NRXN3: variants seen among roughly 807,000 people sequenced by gnomAD.
The protein encoded by NRXN3 is neurexin III.
In NRXN3, 32 loss-of-function variants were observed where a neutral mutation model predicts 137.6. The observed-to-expected ratio is 0.23, with a 90% CI of 0.18 to 0.31. The LOEUF (loss-of-function observed/expected upper bound fraction) is 0.31. Among genes scored for constraint, NRXN3 ranks in the 10% least tolerant of loss-of-function variants. The pLI, the probability that NRXN3 is intolerant of heterozygous loss-of-function variation, is 1.00. For missense variants in NRXN3, 1,574 were observed against 2,062.5 expected, an observed-to-expected ratio of 0.76 and a Z score of 4.59; for synonymous variants, 798 against 784.5, an observed-to-expected ratio of 1.02 and a Z score of -0.29.
intron 4 of NRXN3, among the ~76,000 whole-genome samples, chr14:78,587,636 T>C (rs1354872805): frequency 2.6e-5 from 4 of 152,236 alleles, no homozygotes; most frequent in Non-Finnish European, 5.9e-5. Context: ...TTTATCCCTC[T>C]ACACATTCGC....
rs985154760 is a variant in NRXN3 at position 79,830,822 on chromosome 14, C to T, written c.4093+25632C>T. 6.6e-5 allele frequency among the ~76,000 whole-genome samples: 10 copies of T among 152,022 alleles called. No individual in the cohort carries two copies. The East Asian group carries it at 9.7e-4, about 15-fold the overall frequency. On this transcript the variant is annotated intron_variant, in intron 20 of 20. Coordinates refer to ENST00000335750, the MANE Select transcript of NRXN3 (RefSeq NM_001330195.2). Reference sequence around the variant, plus strand: ...CTGACTCCATCAAGGCAGACTTGTTCGGTAAACTATTCAGGTGACTTTGTG... The same window carrying T: ...CTGACTCCATCAAGGCAGACTTGTTTGGTAAACTATTCAGGTGACTTTGTG...
At chr14:79,045,933 A>G (rs914968741) in intron 15 of NRXN3, among the ~76,000 whole-genome samples, 26 of 152,182 alleles carry the variant, frequency 1.7e-4, no homozygotes, top group African/African-American at 6.3e-4. Context: ...AGAAGAGAAT[A>G]ATAATTCAAA....
chr14:79,565,293 ATGTGTATATACATATACACACACATGTG>A (rs1567520191), intron 16 of NRXN3, among the ~76,000 whole-genome samples: 2 of 130,046 alleles, frequency 1.5e-5, no homozygotes, highest in African/African-American at 6.0e-5. Flanking sequence ...ATACGCACAC[ATGTGTATATACATATACACACACATGTG>A]TGTGTATATA....
intron 15 of NRXN3, among the ~76,000 whole-genome samples, chr14:79,385,710 T>A (rs906767838): frequency 6.6e-6 from 1 of 152,124 alleles, no homozygotes; most frequent in African/African-American, 2.4e-5. Context: ...ATAACAAACC[T>A]GCACATAGTG....
intron 15 of NRXN3, among the ~76,000 whole-genome samples, chr14:79,295,072 A>G (rs574947584): frequency 2.0e-5 from 3 of 152,210 alleles, no homozygotes; most frequent in African/African-American, 4.8e-5. Flanking sequence ...CTCTGTACTC[A>G]GAACAAAGGC....
At chr14:79,257,648 A>C (rs1205717567) in intron 15 of NRXN3, among the ~76,000 whole-genome samples, 1 of 146,946 alleles carries the variant, frequency 6.8e-6, no homozygotes, top group Non-Finnish European at 1.5e-5. Context: ...GCTGCCTCAC[A>C]GAAACTTTTA....
chr14:79,550,060 C>T (rs2097359616), intron 16 of NRXN3, among the ~76,000 whole-genome samples: 1 of 152,044 alleles, frequency 6.6e-6, no homozygotes. Context: ...ACCTCCTCCT[C>T]CCAGGTTCAA....
chr14:78,859,707 A>T (rs2099067423), intron 10 of NRXN3, among the ~76,000 whole-genome samples: 1 of 152,198 alleles, frequency 6.6e-6, no homozygotes, highest in African/African-American at 2.4e-5. Context: ...CTCCCGAGAT[A>T]CTAGAATAGC....
At chr14:79,144,710 C>G (rs1285166792) in intron 15 of NRXN3, among the ~76,000 whole-genome samples, 1 of 152,182 alleles carries the variant, frequency 6.6e-6, no homozygotes, top group African/African-American at 2.4e-5. Flanking sequence ...CACTTTAGTT[C>G]TAATGACTTC....
intron 15 of NRXN3, among the ~76,000 whole-genome samples, chr14:79,349,511 G>T (rs1475503507): frequency 6.7e-6 from 1 of 149,040 alleles, no homozygotes; most frequent in African/African-American, 2.5e-5. Context: ...GTTGAATTGT[G>T]TATCTCACCT....
chr14:79,173,409 G>A (rs894416694), intron 15 of NRXN3, among the ~76,000 whole-genome samples: 1 of 151,426 alleles, frequency 6.6e-6, no homozygotes, highest in Admixed American at 6.6e-5. Flanking sequence ...GTGTGTGCCT[G>A]TAGTCTCAGC....
chr14:79,391,949 G>A (rs2094860257), intron 15 of NRXN3, among the ~76,000 whole-genome samples: 1 of 152,088 alleles, frequency 6.6e-6, no homozygotes, highest in Non-Finnish European at 1.5e-5. Context: ...AGAGAGGGGG[G>A]ATTTCTTCAG....
At chr14:79,719,935 A>G (rs1381026618) in intron 19 of NRXN3, among the ~76,000 whole-genome samples, 2 of 152,130 alleles carry the variant, frequency 1.3e-5, no homozygotes, top group Non-Finnish European at 2.9e-5. Context: ...TGACCTTTCA[A>G]TAAAAATTAT....
At chr14:79,516,194 C>T (rs2096982444) in intron 16 of NRXN3, among the ~76,000 whole-genome samples, 1 of 152,284 alleles carries the variant, frequency 6.6e-6, no homozygotes, top group East Asian at 1.9e-4. Flanking sequence ...CATGAGGAGG[C>T]TGAGCCAGCT....
intron 2 of NRXN3, among the ~76,000 whole-genome samples, chr14:78,264,416 TG>T (rs1310303591): frequency 6.6e-6 from 1 of 152,120 alleles, no homozygotes; most frequent in African/African-American, 2.4e-5. Flanking sequence ...TGGGGTGGCA[TG>T]ATTTACAAAT....
intron 15 of NRXN3, among the ~76,000 whole-genome samples, chr14:79,295,281 CCTT>C (rs2083875836): frequency 6.6e-6 from 1 of 152,036 alleles, no homozygotes; most frequent in Admixed American, 6.6e-5. Flanking sequence ...TATGGCCACT[CCTT>C]CTTCTTATAC....
chr14:79,109,484 T>C (rs1443721962), intron 15 of NRXN3, among the ~76,000 whole-genome samples: 2 of 152,188 alleles, frequency 1.3e-5, no homozygotes, highest in Non-Finnish European at 2.9e-5. Context: ...AATAACTCAG[T>C]ATGACAATAT....
chr14:78,661,374 C>T (rs942327552), intron 6 of NRXN3, among the ~76,000 whole-genome samples: 1 of 152,148 alleles, frequency 6.6e-6, no homozygotes, highest in Non-Finnish European at 1.5e-5. Context: ...GTGATATTCT[C>T]ATTAATAAGA....
At chr14:79,768,834 G>C (rs887304373) in intron 19 of NRXN3, among the ~76,000 whole-genome samples, 2 of 151,976 alleles carry the variant, frequency 1.3e-5, no homozygotes, top group South Asian at 4.2e-4. Flanking sequence ...TGAGCTACGG[G>C]AGGACATTCA....
Sources: allele counts gnomAD v4.1 joint callset (sites outside exome capture counted in the v4.1 genomes callset), GRCh38; gene constraint gnomAD v4.1.1; transcripts MANE v1.5; gene names NCBI Gene and HGNC (gene_info 2026-07-23, HGNC 2026-07-21).